MRPL9: variants seen among roughly 807,000 people sequenced by gnomAD.
MRPL9 encodes the protein mitochondrial ribosomal protein L9, also known as large ribosomal subunit protein bL9m.
MRPL9 carries 25 observed loss-of-function variants against 27.6 expected under a neutral mutation model. That is an observed-to-expected ratio of 0.91 (90% confidence interval 0.66 to 1.27). The LOEUF (loss-of-function observed/expected upper bound fraction) is 1.27, where lower values mean the gene tolerates loss of function less well. Among genes scored for constraint, MRPL9 ranks in the 50% most tolerant of loss-of-function variants. The pLI, the probability that MRPL9 is intolerant of heterozygous loss-of-function variation, is 0.00. For synonymous variants in MRPL9, 154 were observed against 139.0 expected, an observed-to-expected ratio of 1.11 and a Z score of -0.76; for missense variants, 362 against 338.0, an observed-to-expected ratio of 1.07 and a Z score of -0.56.
In MRPL9 at chr1:151,763,432, C is replaced by G. The variant is rs1419000701; in HGVS notation, c.48G>C (p.Ala16=). 1.9e-6 allele frequency: 3 copies of G among 1,567,694 alleles called. No homozygotes were observed. Among genetic ancestry groups the G allele is most frequent in the Admixed American group, 3.8e-5 (2 of 52,970 alleles). Residue 16 remains alanine, a synonymous_variant, in exon 1 of 7, where the codon GCG becomes GCC. Transcript: ENST00000368830. ...VTAPGRALLR[A]GAGRLLRGGV... ...CTCCCCGAAGCAGCCGTCCAGCGCC[C>G]GCCCGCAGCAGAGCTCTGCCCGGGG...
At position 151,762,913 on chromosome 1, in the gene MRPL9, G is replaced by A. The variant is rs748200893; in HGVS notation, c.310+77C>T. The A allele has an allele frequency of 2.0e-6, 3 of 1,521,940 alleles. No individual in the cohort carries two copies. In the South Asian group the frequency reaches 3.6e-5, roughly 18 times the overall value. The allele number at this position is 1,521,940 out of a possible 1,614,324, so 94.3% of individuals were successfully genotyped here. A position where few individuals can be genotyped will look rare whatever the true frequency, so the allele number is the denominator to read the frequency against. On this transcript the variant is annotated intron_variant, in intron 2 of 6. Transcript: ENST00000368830. ...CCACAAAGAAAAAGCAAGGCAAATA[G>A]TTGAGGGGGACGGGCTAGAAAAAGC...
Position 151,760,129 on chromosome 1 carries a change from T to C in MRPL9, c.725A>G (p.Lys242Arg), listed in dbSNP as rs913575629. 3.1e-6 allele frequency: 5 copies of C among 1,614,050 alleles called. No individual in the cohort carries two copies. The African/African-American group carries it at 4.0e-5, about 13-fold the overall frequency. The change falls in exon 7 of 7, where the codon AAG (lysine) becomes AGG (arginine). Residue 242 changes from lysine to arginine, a missense_variant. Transcript: ENST00000368830. ...RVPMSVVNFE[K>R]PKTKRYKYWL... ...GTACTTATATCTTTTGGTCTTGGGC[T>C]TCTCAAAGTTCACGACAGACATAGG... is the stretch of plus-strand genomic sequence containing the variant.
In MRPL9 at chr1:151,761,559, G is replaced by C. The variant is rs758318115; in HGVS notation, c.487-7C>G. On this transcript the variant is annotated splice_polypyrimidine_tract_variant and splice_region_variant and intron_variant, in intron 4 of 6. Transcript: ENST00000368830. ...TTTTTAGAAATTTCACTGTCTGAAA[G>C]GAATTATGAGTTTGAGTCAAAGGAG... 2 of 1,596,120 alleles carry C rather than the reference G, an allele frequency of 1.3e-6. No individual in the cohort carries two copies. The highest frequency in any genetic ancestry group is 1.7e-6 in the Non-Finnish European group (2 of 1,164,480).
chr1:151,760,140 C>G lies in MRPL9; in HGVS notation c.714G>C (p.Val238=). 6.2e-7 allele frequency: 1 copy of G among 1,614,132 alleles called. No individual in the cohort carries two copies. The highest frequency in any genetic ancestry group is 2.2e-5 in the East Asian group (1 of 44,872). ...TTTTGGTCTTGGGCTTCTCAAAGTT[C>G]ACGACAGACATAGGCACTCTCACAG... ...LDTVRVPMSV[V]NFEKPKTKRY... is the part of the protein sequence containing the mutation. Residue 238 remains valine (V), a synonymous_variant, in exon 7 of 7, where the codon GTG becomes GTC. Coordinates refer to ENST00000368830, the MANE Select transcript of MRPL9 (RefSeq NM_031420.4).
chr1:151,759,895 G>A lies in MRPL9; in HGVS notation c.*155C>T. 1.0e-6 allele frequency: 1 copy of A among 979,514 alleles called. No individual in the cohort carries two copies. The highest frequency in any genetic ancestry group is 1.4e-6 in the Non-Finnish European group (1 of 702,974). 60.7% of individuals were successfully genotyped at this position (979,514 alleles called of 1,614,324 possible). A position where few individuals can be genotyped will look rare whatever the true frequency, so the allele number is the denominator to read the frequency against. ...GATGACAGTTAAAGATGGCAAAAAT[G>A]AAGAATTCAACATGTATACGCAGTG... On this transcript the variant is annotated 3_prime_UTR_variant, in exon 7 of 7. Coordinates refer to ENST00000368830, the MANE Select transcript of MRPL9 (RefSeq NM_031420.4).
At chr1:151,762,326 G>A (rs762047781) in intron 3 of MRPL9, 50 bp downstream of exon 3, 9 of 1,609,500 alleles carry the variant, frequency 5.6e-6, no homozygotes, top group Admixed American at 5.0e-5. Context: ...AGCTGCAAGA[G>A]AAAAGAAGTT....
chr1:151,762,476 A>G lies in MRPL9; in HGVS notation c.335T>C (p.Val112Ala), dbSNP rs1317007102. Reference protein sequence around the residue: ...VENVGVRGDLVSVKKSLGRNR... With the variant: ...VENVGVRGDLASVKKSLGRNR... ...CCGGCCTAAAGATTTCTTCACTGAG[A>G]CCAGGTCACCCCGGACTCCAACATC... The change falls in exon 3 of 7, where the codon GTC becomes GCC. Residue 112 changes from valine (V) to alanine (A), a missense_variant. Coordinates refer to ENST00000368830, the MANE Select transcript of MRPL9 (RefSeq NM_031420.4). The G allele has an allele frequency of 1.2e-6, 2 of 1,613,968 alleles. No homozygotes were observed. The highest frequency in any genetic ancestry group is 2.7e-5 in the African/African-American group (2 of 74,890).
intron 6 of MRPL9, 49 bp from the exon 7 acceptor site, chr1:151,760,230 A>AT: frequency 6.2e-7 from 1 of 1,609,794 alleles, no homozygotes; most frequent in Admixed American, 1.7e-5. Context: ...GGTAAGTAAG[A>AT]TTTAGCACCA....
intron 5 of MRPL9, 144 bp downstream of exon 5, chr1:151,761,307 T>C (rs1192136158): frequency 1.5e-6 from 1 of 662,872 alleles, no homozygotes. Flanking sequence ...CCTTCCCATA[T>C]TCCTGCAAAC....
Position 151,763,469 on chromosome 1 carries a change from G to T in MRPL9, c.11C>A (p.Pro4His). The T allele has an allele frequency of 6.3e-7, 1 of 1,575,242 alleles. No homozygotes were observed. The highest frequency in any genetic ancestry group is 2.3e-5 in the East Asian group (1 of 43,006). MAA[P>H]VVTAPGRALL... ...AGCTCTGCCCGGGGCCGTGACAACG[G>T]GCGCCGCCATGTTCACAGGCACAGA... Residue 4 changes from proline (P) to histidine (H), a missense_variant, in exon 1 of 7, where the codon CCC (proline) becomes CAC (histidine). Transcript: ENST00000368830.
At chr1:151,760,486 A>G (rs1337677260) in intron 6 of MRPL9, among the ~76,000 whole-genome samples, 4 of 144,304 alleles carry the variant, frequency 2.8e-5, no homozygotes, top group African/African-American at 1.0e-4. Flanking sequence ...CTGAGGCAGA[A>G]GGATCGCTTG....
At position 151,761,468 on chromosome 1, in the gene MRPL9, G is replaced by A. The variant is rs758235751; in HGVS notation, c.571C>T (p.Arg191Cys). The A allele has an allele frequency of 1.3e-4, 204 of 1,613,172 alleles. No homozygotes were observed. Among genetic ancestry groups the A allele is most frequent in the Non-Finnish European group, 1.7e-4 (195 of 1,179,288 alleles). Residue 191 changes from arginine (R) to cysteine (C), a missense_variant, in exon 5 of 7, where the codon CGC (arginine) becomes TGC (cysteine). Transcript: ENST00000368830. ...TCACTCACATTCTTAAAGAAGTGGC[G>A]GGCAACTATTTCAGGGTTCAGCTCC... ...KWELNPEIVARHFFKNLGVVV... is the reference protein window; with the variant it reads ...KWELNPEIVACHFFKNLGVVV...
intron 6 of MRPL9, among the ~76,000 whole-genome samples, chr1:151,760,599 A>AAAAATT (rs1553276864): frequency 4.7e-5 from 7 of 149,768 alleles, no homozygotes; most frequent in African/African-American, 1.2e-4. Flanking sequence ...AAAAAAAAAA[A>AAAAATT]AATTAGAAAA....
rs754943800 is a variant in MRPL9, at chr1:151,762,151, C to T, written c.440G>A (p.Arg147Lys). Residue 147 changes from arginine to lysine, a missense_variant, in exon 4 of 7, where the codon AGA (arginine) becomes AAA (lysine). Transcript: ENST00000368830. ...KKLFEEEKLL[R>K]QEGKLEKIQT... ...GATCTTCTCTAATTTTCCTTCTTGT[C>T]TCAGCTAGAAAAGAAAGTTAAAGAT... 2 of 1,614,116 alleles carry T rather than the reference C, an allele frequency of 1.2e-6. No individual in the cohort carries two copies. Among genetic ancestry groups the T allele is most frequent in the South Asian group, 2.2e-5 (2 of 91,084 alleles).
chr1:151,763,493 G>C lies in MRPL9; in HGVS notation c.-14C>G. 6.4e-7 allele frequency: 1 copy of C among 1,555,610 alleles called. No homozygotes were observed. The highest frequency in any genetic ancestry group is 8.7e-7 in the Non-Finnish European group (1 of 1,149,310). ...GGGCGCCGCCATGTTCACAGGCACA[G>C]AATGAGACCTGAGGGAGGACCCCGG... On this transcript the variant is annotated 5_prime_UTR_variant, in exon 1 of 7. Coordinates refer to ENST00000368830, the MANE Select transcript of MRPL9 (RefSeq NM_031420.4).
At chr1:151,760,576 CA>C (rs11454049) in intron 6 of MRPL9, among the ~76,000 whole-genome samples, 263 of 50,302 alleles carry the variant, frequency 5.2e-3, no homozygotes, top group East Asian at 0.03. Context: ...GACTCCAGCT[CA>C]AAAAAAAAAA....
chr1:151,762,102 C>T lies in MRPL9; in HGVS notation c.486+3G>A, dbSNP rs1571962361. The T allele has an allele frequency of 6.2e-7, 1 of 1,613,974 alleles. No homozygotes were observed. Among genetic ancestry groups the T allele is most frequent in the African/African-American group, 1.3e-5 (1 of 75,052 alleles). On this transcript the variant is annotated splice_donor_region_variant and intron_variant, in intron 4 of 6. Transcript: ENST00000368830. ...AATAAACACTTTTTATGTTTCTACTCACCGCCTCACCTGCCTTGGTCTGGA... is the reference window on the plus strand; with the variant it reads ...AATAAACACTTTTTATGTTTCTACTTACCGCCTCACCTGCCTTGGTCTGGA...
rs766959311 is a variant in MRPL9 at position 151,762,072 on chromosome 1, T to C, written c.486+33A>G. The stretch of plus-strand genomic sequence containing the variant: ...CTCAGGGTGAGGTTGGTAAGTCTTG[T>C]GACAAATAAACACTTTTTATGTTTC... On this transcript the variant is annotated intron_variant, in intron 4 of 6. Transcript: ENST00000368830. The C allele has an allele frequency of 1.9e-6, 3 of 1,610,480 alleles. No homozygotes were observed. In the Admixed American group the frequency reaches 5.0e-5, roughly 27 times the overall value.
At position 151,760,957 on chromosome 1, in the gene MRPL9, C is replaced by T. The variant is rs544144659; in HGVS notation, c.589-58G>A. 2.0e-5 allele frequency: 29 copies of T among 1,414,984 alleles called. 1 individual carries two copies. 87.7% of individuals were successfully genotyped at this position (1,414,984 alleles called of 1,614,324 possible). ...GCTCAAATGAACTCTGTTTTCATGA[C>T]TGCCACTCTAGGGAACCTCATAAAG... On this transcript the variant is annotated intron_variant, in intron 5 of 6. Transcript: ENST00000368830.
Sources: gnomAD v4.1 joint callset for allele counts (sites outside exome capture counted in the v4.1 genomes callset) on GRCh38, gnomAD v4.1.1 for gene constraint, MANE v1.5 for transcripts, NCBI Gene and HGNC (gene_info 2026-07-23, HGNC 2026-07-21) for gene names.